The following NOX4 variants were observed in gnomAD, a reference collection of about 807,000 sequenced individuals.
NOX4 encodes kidney oxidase-1.
Under a neutral mutation model 87.6 loss-of-function variants are expected in NOX4, and 69 were observed. The observed-to-expected ratio is 0.79, with a 90% CI of 0.65 to 0.96. NOX4 has a LOEUF of 0.96. NOX4 is among the 40% of genes least tolerant of loss of function. The probability of loss-of-function intolerance (pLI) is 0.00; values close to 1 mark genes in which losing one functional copy is unlikely to be tolerated. For missense variants in NOX4, 680 were observed against 681.5 expected (o/e 1.00, Z 0.02); for synonymous variants, 275 against 238.2 (o/e 1.15, Z -1.42).
chr11:89,569,895 G>A, the NOX4 span, among the ~76,000 whole-genome samples: 13 of 151,892 alleles, frequency 8.6e-5, no homozygotes, highest in East Asian at 1.9e-4. Context: ...CCAGCTACTC[G>A]GGAGGCTGAG....
chr11:89,530,048 C>T, the NOX4 span, among the ~76,000 whole-genome samples: 1 of 152,038 alleles, frequency 6.6e-6, no homozygotes, highest in African/African-American at 2.4e-5. Flanking sequence ...TATTGTTAAA[C>T]ATCACAGTAG....
At chr11:89,501,622 TTAG>T (rs1328445653), upstream of NOX4, among the ~76,000 whole-genome samples, 9 of 152,080 alleles carry the variant, frequency 5.9e-5, no homozygotes, top group African/African-American at 1.9e-4. Flanking sequence ...ACCTTTGTTG[TTAG>T]CTCTCTAACA....
chr11:89,456,011 C>A (rs1315170444), intron 2 of NOX4, among the ~76,000 whole-genome samples: 1 of 151,796 alleles, frequency 6.6e-6, no homozygotes, highest in East Asian at 1.9e-4. Flanking sequence ...TTTGATAGCA[C>A]AATAAGGCAA....
chr11:89,566,756 G>C, the NOX4 span, among the ~76,000 whole-genome samples: 41 of 152,284 alleles, frequency 2.7e-4, no homozygotes, highest in African/African-American at 9.6e-4. Flanking sequence ...TGGGCTGAAG[G>C]GGGAGGAAGC....
At chr11:89,527,783 CT>C in the NOX4 span, among the ~76,000 whole-genome samples, 2 of 152,236 alleles carry the variant, frequency 1.3e-5, no homozygotes, top group African/African-American at 4.8e-5. Context: ...GGATGGAGCC[CT>C]CATGAAGAAC....
chr11:89,531,646 G>T, the NOX4 span, among the ~76,000 whole-genome samples: 1 of 152,142 alleles, frequency 6.6e-6, no homozygotes, highest in Non-Finnish European at 1.5e-5. Context: ...AGATCTGATG[G>T]TTTAAAAGTT....
intron 2 of NOX4, among the ~76,000 whole-genome samples, chr11:89,474,962 T>C (rs1416867876): frequency 1.4e-5 from 2 of 146,008 alleles, no homozygotes; most frequent in African/African-American, 2.4e-5. Flanking sequence ...TGTTTTTCAT[T>C]GCAGTTTATA....
chr11:89,566,927 A>G, the NOX4 span, among the ~76,000 whole-genome samples: 1 of 152,058 alleles, frequency 6.6e-6, no homozygotes, highest in African/African-American at 2.4e-5. Flanking sequence ...TATACATCCG[A>G]GCTGGCATGG....
chr11:89,355,708 G>T (rs1937995625), intron 12 of NOX4, among the ~76,000 whole-genome samples: 1 of 152,088 alleles, frequency 6.6e-6, no homozygotes, highest in South Asian at 2.1e-4. Flanking sequence ...CTGCTGGTGG[G>T]AGTCCAAATT....
At position 89,446,088 on chromosome 11, in the gene NOX4, C is replaced by G. The variant is rs371931045; in HGVS notation, c.350-1856G>C. On this transcript the variant is annotated intron_variant, in intron 4 of 17. Coordinates refer to ENST00000263317, the MANE Select transcript of NOX4 (RefSeq NM_016931.5). Reference sequence around the variant, plus strand: ...TAGATACCTCACCAAAGAAGATATACAGATGGCAAACAAGCACGAAAAGAT... The same window carrying G: ...TAGATACCTCACCAAAGAAGATATAGAGATGGCAAACAAGCACGAAAAGAT... Among the ~76,000 whole-genome samples the G allele has an allele frequency of 6.6e-5, 10 of 152,072 alleles. No individual in the cohort carries two copies. The East Asian group carries it at 1.7e-3, about 26-fold the overall frequency.
chr11:89,511,945 A>G, the NOX4 span, among the ~76,000 whole-genome samples: 4 of 152,094 alleles, frequency 2.6e-5, no homozygotes, highest in Admixed American at 2.6e-4. Flanking sequence ...CACTTTGACC[A>G]TCAATCTTCT....
chr11:89,529,240 T>C, the NOX4 span, among the ~76,000 whole-genome samples: 215 of 152,350 alleles, frequency 1.4e-3, 7 homozygotes, highest in East Asian at 0.031. Flanking sequence ...AACATTTACA[T>C]TCCTTTTCAG....
chr11:89,461,383 G>T (rs181524064), intron 2 of NOX4, among the ~76,000 whole-genome samples: 1 of 151,738 alleles, frequency 6.6e-6, no homozygotes, highest in Non-Finnish European at 1.5e-5. Context: ...GGTGGGTTAC[G>T]CCTGTAATCC....
At chr11:89,532,850 G>A in the NOX4 span, among the ~76,000 whole-genome samples, 4 of 152,162 alleles carry the variant, frequency 2.6e-5, no homozygotes, top group African/African-American at 7.2e-5. Context: ...GTTCTCATGC[G>A]ATCTGATGGT....
chr11:89,537,719 C>G, the NOX4 span, among the ~76,000 whole-genome samples: 1 of 152,064 alleles, frequency 6.6e-6, no homozygotes, highest in African/African-American at 2.4e-5. Context: ...ATTAACTCTT[C>G]CATTTGAAGG....
intron 6 of NOX4, among the ~76,000 whole-genome samples, chr11:89,434,908 C>G (rs1944000097): frequency 6.6e-6 from 1 of 151,994 alleles, no homozygotes; most frequent in African/African-American, 2.4e-5. Flanking sequence ...ATATAACATT[C>G]CAGAAAATTC....
the NOX4 span, among the ~76,000 whole-genome samples, chr11:89,561,565 AGTT>A: frequency 3.3e-5 from 5 of 152,232 alleles, no homozygotes; most frequent in African/African-American, 9.6e-5. Flanking sequence ...ATATTCAGCA[AGTT>A]GTTGTATTTC....
At chr11:89,357,897 CACAT>C (rs1332377873) in intron 12 of NOX4, among the ~76,000 whole-genome samples, 1 of 151,910 alleles carries the variant, frequency 6.6e-6, no homozygotes, top group Non-Finnish European at 1.5e-5. Flanking sequence ...GGACTAAAAA[CACAT>C]ACACAGATGC....
At chr11:89,399,326 C>T (rs1454425964) in intron 11 of NOX4, among the ~76,000 whole-genome samples, 10 of 149,464 alleles carry the variant, frequency 6.7e-5, no homozygotes, top group South Asian at 2.1e-4. Flanking sequence ...CCAGAGTATC[C>T]GTATTTCCCC....
Sources: gnomAD v4.1 joint callset for allele counts (sites outside exome capture counted in the v4.1 genomes callset) on GRCh38, gnomAD v4.1.1 for gene constraint, MANE v1.5 for transcripts, NCBI Gene and HGNC (gene_info 2026-07-23, HGNC 2026-07-21) for gene names.